Variants in GALM observed in about 807,000 individuals in gnomAD.
GALM encodes the protein galactose mutarotase, also known as aldose 1-epimerase.
A neutral mutation model predicts 37.4 loss-of-function variants in GALM; 43 were observed. The ratio of observed to expected loss-of-function variants is 1.15; its 90% confidence interval spans 0.90 to 1.48. The LOEUF is 1.48. GALM is among the 40% of genes most tolerant of loss of function. The pLI, the probability that GALM is intolerant of heterozygous loss-of-function variation, is 0.00. For synonymous variants in GALM, 199 were observed against 170.6 expected, an observed-to-expected ratio of 1.17 and a Z score of -1.30; for missense variants, 456 against 419.1, an observed-to-expected ratio of 1.09 and a Z score of -0.77.
intron 4 of GALM, among the ~76,000 whole-genome samples, chr2:38,707,715 T>G (rs1261956234): frequency 6.6e-6 from 1 of 152,142 alleles, no homozygotes. Context: ...GCACAGTGCC[T>G]CACGCCTATA....
At chr2:38,706,335 A>C (rs1185171405) in intron 4 of GALM, among the ~76,000 whole-genome samples, 3 of 150,846 alleles carry the variant, frequency 2.0e-5, no homozygotes, top group African/African-American at 7.3e-5. Flanking sequence ...GAGGGCTTTC[A>C]AGCATTCTAA....
chr2:38,722,169 G>A lies in GALM; in HGVS notation c.635-7387G>A, dbSNP rs540451199. Among the ~76,000 whole-genome samples, 3 of 151,480 alleles carry A rather than the reference G, an allele frequency of 2.0e-5. No homozygotes were observed. The Admixed American group carries it at 2.0e-4, about 10-fold the overall frequency. ...GAGGTCAGGAGTTCGAGACCAGCCT[G>A]GCCAACATGGTGAAACCCTGTCTCT... On this transcript the variant is annotated intron_variant, in intron 4 of 6. Coordinates refer to ENST00000272252, the MANE Select transcript of GALM (RefSeq NM_138801.3).
intron 4 of GALM, among the ~76,000 whole-genome samples, chr2:38,696,528 C>T (rs544317326): frequency 1.3e-5 from 2 of 150,924 alleles, no homozygotes; most frequent in African/African-American, 4.9e-5. Context: ...ACTTCTGGGG[C>T]TCAAGCAATC....
At chr2:38,710,753 C>CT (rs531054454) in intron 4 of GALM, among the ~76,000 whole-genome samples, 5,435 of 133,426 alleles carry the variant, frequency 0.041, 115 homozygotes, top group African/African-American at 0.053. Context: ...TCATTTCCTT[C>CT]TTTTTTTTTT....
At chr2:38,713,310 A>T (rs1666208107) in intron 4 of GALM, among the ~76,000 whole-genome samples, 1 of 152,136 alleles carries the variant, frequency 6.6e-6, no homozygotes, top group Non-Finnish European at 1.5e-5. Context: ...TGTCTCTCTC[A>T]TACTAGAGCA....
rs1227578780 is a variant in GALM, at chr2:38,726,850, C to G, written c.635-2706C>G. Among the ~76,000 whole-genome samples, 3 of 151,316 alleles carry G rather than the reference C, an allele frequency of 2.0e-5. No individual in the cohort carries two copies. The South Asian group carries it at 6.3e-4, about 32-fold the overall frequency. On this transcript the variant is annotated intron_variant, in intron 4 of 6. Coordinates refer to ENST00000272252, the MANE Select transcript of GALM (RefSeq NM_138801.3). Reference sequence around the variant, plus strand: ...GGCCAAGGTTGTGGTGAGCCGAGATCACGCCACTGCACTCCAGCCTGGGCA... The same window carrying G: ...GGCCAAGGTTGTGGTGAGCCGAGATGACGCCACTGCACTCCAGCCTGGGCA...
intron 4 of GALM, among the ~76,000 whole-genome samples, chr2:38,725,672 G>A (rs1330523903): frequency 6.6e-6 from 1 of 152,032 alleles, no homozygotes; most frequent in Admixed American, 6.6e-5. Flanking sequence ...AGAAAAAGAA[G>A]AATTATTGTT....
At chr2:38,729,507 G>T (rs770317916) in intron 4 of GALM, 49 bp from the exon 5 acceptor site, 6 of 1,582,406 alleles carry the variant, frequency 3.8e-6, no homozygotes, top group Non-Finnish European at 5.2e-6. Flanking sequence ...TCTATATAAA[G>T]ATGAGACTTG....
intron 1 of GALM, chr2:38,669,527 T>G (rs1572506998): frequency 6.6e-6 from 1 of 152,248 alleles, no homozygotes; most frequent in Non-Finnish European, 1.5e-5. Context: ...CGGCTCGTCC[T>G]GCTACAACAG....
intron 2 of GALM, among the ~76,000 whole-genome samples, chr2:38,679,476 G>T (rs1459636728): frequency 6.6e-6 from 1 of 152,134 alleles, no homozygotes; most frequent in Non-Finnish European, 1.5e-5. Flanking sequence ...ACATGAAATT[G>T]CCAGTGTTCA....
chr2:38,693,483 C>CAA (rs11339764), intron 4 of GALM, among the ~76,000 whole-genome samples: 6 of 101,252 alleles, frequency 5.9e-5, no homozygotes, highest in Non-Finnish European at 2.2e-5. Flanking sequence ...ACTCTGCTTC[C>CAA]AAAAAAAAAA....
intron 1 of GALM, among the ~76,000 whole-genome samples, chr2:38,673,458 C>T (rs1050352200): frequency 6.6e-6 from 1 of 152,122 alleles, no homozygotes; most frequent in Non-Finnish European, 1.5e-5. Context: ...AATATGCCCA[C>T]GCCCAAAGTT....
chr2:38,677,623 C>A (rs1312437591), intron 2 of GALM, among the ~76,000 whole-genome samples: 1 of 152,218 alleles, frequency 6.6e-6, no homozygotes, highest in Admixed American at 6.5e-5. Context: ...CTAGCTTGCC[C>A]CTGCTCCCCC....
rs753925858 is a variant in GALM at position 38,675,963 on chromosome 2, A to G, written c.242A>G (p.Asn81Ser). The G allele has an allele frequency of 1.2e-5, 20 of 1,614,122 alleles. No individual in the cohort carries two copies. The South Asian group carries it at 2.1e-4, about 17-fold the overall frequency. ...GGAGCAGTTATTGGGAGGGTGGCCAACCGAATCGCCAAAGGAACCTTCAAG... is the reference window on the plus strand; with the variant it reads ...GGAGCAGTTATTGGGAGGGTGGCCAGCCGAATCGCCAAAGGAACCTTCAAG... ...YFGAVIGRVA[N>S]RIAKGTFKVD... The change falls in exon 2 of 7, where the codon AAC becomes AGC. Residue 81 changes from asparagine to serine, a missense_variant. Physicochemically the swap from Asn to Ser is conservative, Grantham distance 46 (BLOSUM62 1). Transcript: ENST00000272252.
rs536594678 is a variant in GALM, at chr2:38,688,342, T to C, written c.553-1471T>C. Among the ~76,000 whole-genome samples, 3 of 151,966 alleles carry C rather than the reference T, an allele frequency of 2.0e-5. No individual in the cohort carries two copies. The East Asian group carries it at 5.8e-4, about 29-fold the overall frequency. On this transcript the variant is annotated intron_variant, in intron 3 of 6. Coordinates refer to ENST00000272252, the MANE Select transcript of GALM (RefSeq NM_138801.3). ...GCCTGACCAACATGGAGAAACCCCG[T>C]CTCTACTAAAAATACAAAATTAGCC...
chr2:38,687,053 C>T (rs1239117640), intron 3 of GALM, among the ~76,000 whole-genome samples: 2 of 152,290 alleles, frequency 1.3e-5, no homozygotes, highest in African/African-American at 2.4e-5. Context: ...CCCCTTGTCT[C>T]GACTGACCCA....
chr2:38,666,132 G>A lies in GALM; in HGVS notation c.-30G>A, dbSNP rs765875229. On this transcript the variant is annotated 5_prime_UTR_variant, in exon 1 of 7. Transcript: ENST00000272252. Reference sequence around the variant, plus strand: ...AGCGAGCGCTGGAGTTTGAAGAGCGGGCAGTGGCTGCACACGCCAAACTTT... The same window carrying A: ...AGCGAGCGCTGGAGTTTGAAGAGCGAGCAGTGGCTGCACACGCCAAACTTT... 6.3e-7 allele frequency: 1 copy of A among 1,588,528 alleles called. No individual in the cohort carries two copies. Among genetic ancestry groups the A allele is most frequent in the South Asian group, 1.1e-5 (1 of 87,296 alleles).
chr2:38,732,096 C>T (rs1472565186), intron 6 of GALM, among the ~76,000 whole-genome samples, 187 bp downstream of exon 6: 1 of 152,146 alleles, frequency 6.6e-6, no homozygotes, highest in Non-Finnish European at 1.5e-5. Context: ...TCTCAGCTCA[C>T]TGCAACCTCC....
rs145562804 is a variant in GALM at position 38,733,440 on chromosome 2, T to C, written c.952-48T>C. The C allele has an allele frequency of 5.8e-4, 872 of 1,493,552 alleles. 4 individuals are homozygous for C. Among genetic ancestry groups the C allele is most frequent in the Admixed American group, 4.1e-3 (247 of 59,832 alleles). The allele number at this position is 1,493,552 out of a possible 1,614,324, so 92.5% of individuals were successfully genotyped here. On this transcript the variant is annotated intron_variant, in intron 6 of 6. Transcript: ENST00000272252. Reference sequence around the variant, plus strand: ...CAGAAGCACACCCAAATGGTTAATGTTGCAGCCTGCGGTGTCAAGCATCAC... The same window carrying C: ...CAGAAGCACACCCAAATGGTTAATGCTGCAGCCTGCGGTGTCAAGCATCAC...
Sources: gnomAD v4.1 joint callset for allele counts (sites outside exome capture counted in the v4.1 genomes callset) on GRCh38, gnomAD v4.1.1 for gene constraint, MANE v1.5 for transcripts, NCBI Gene and HGNC (gene_info 2026-07-23, HGNC 2026-07-21) for gene names.